ADAMTSL1: variants seen among roughly 807,000 people sequenced by gnomAD.
ADAMTSL1 encodes the protein ADAMTS like 1, also known as ADAMTS-like protein 1.
ADAMTSL1 carries 126 observed loss-of-function variants against 201.8 expected under a neutral mutation model. That is an observed-to-expected ratio of 0.62 (90% CI 0.54 to 0.72). ADAMTSL1 has a LOEUF of 0.72. Ranked by LOEUF, ADAMTSL1 falls within the 30% of genes least tolerant of loss-of-function variation. The pLI, the probability that ADAMTSL1 is intolerant of heterozygous loss-of-function variation, is 0.00. For synonymous variants in ADAMTSL1, 1,121 were observed against 903.4 expected, an observed-to-expected ratio of 1.24 and a Z score of -4.32; for missense variants, 2,679 against 2,277.8, an observed-to-expected ratio of 1.18 and a Z score of -3.59.
chr9:18,203,142 C>G (rs1467485201), intron 2 of ADAMTSL1, among the ~76,000 whole-genome samples: 1 of 152,142 alleles, frequency 6.6e-6, no homozygotes, highest in East Asian at 1.9e-4. Context: ...TGCTCATGCT[C>G]TGTTTATACA....
chr9:18,587,933 T>C (rs1823619979), intron 4 of ADAMTSL1, among the ~76,000 whole-genome samples: 3 of 152,342 alleles, frequency 2.0e-5, no homozygotes, highest in East Asian at 3.9e-4. Flanking sequence ...GGAATAAACA[T>C]GGGAATGCAG....
rs1820954496 is a variant in ADAMTSL1, at chr9:18,775,892, T to G, written c.2547T>G (p.Cys849Trp). The change falls in exon 18 of 29, where the codon TGT becomes TGG. Residue 849 changes from cysteine (C) to tryptophan (W), a missense_variant. Cys to Trp is a radical substitution (Grantham distance 215). Coordinates refer to ENST00000380548, the MANE Select transcript of ADAMTSL1 (RefSeq NM_001040272.6). The part of the protein sequence containing the change: ...SSIRPCMLAT[C>W]ARPGRPSTKH... Reference sequence around the variant, plus strand: ...TCAGGCCCTGTATGCTGGCAACCTGTGCAAGTAAGTATGTCAGGGCTCTGG... The same window carrying G: ...TCAGGCCCTGTATGCTGGCAACCTGGGCAAGTAAGTATGTCAGGGCTCTGG... 1.3e-6 allele frequency: 2 copies of G among 1,591,740 alleles called. No individual in the cohort carries two copies. Among genetic ancestry groups the G allele is most frequent in the African/African-American group, 2.7e-5 (2 of 74,422 alleles).
chr9:18,191,625 C>A (rs915513531), intron 2 of ADAMTSL1, among the ~76,000 whole-genome samples: 1 of 152,278 alleles, frequency 6.6e-6, no homozygotes, highest in African/African-American at 2.4e-5. Flanking sequence ...GACTTCTTCC[C>A]TGAATCTAAT....
chr9:18,841,661 T>G (rs1234086549), intron 23 of ADAMTSL1, among the ~76,000 whole-genome samples: 1 of 152,256 alleles, frequency 6.6e-6, no homozygotes, highest in East Asian at 1.9e-4. Flanking sequence ...TGAATCCATC[T>G]GATCCTGGAC....
chr9:18,337,481 C>T (rs1223206255), intron 2 of ADAMTSL1, among the ~76,000 whole-genome samples: 1 of 152,114 alleles, frequency 6.6e-6, no homozygotes, highest in East Asian at 1.9e-4. Flanking sequence ...TTCTAGAGAA[C>T]CCTGACAAAT....
At chr9:18,033,289 G>A (rs548751709) in intron 1 of ADAMTSL1, among the ~76,000 whole-genome samples, 1 of 152,172 alleles carries the variant, frequency 6.6e-6, no homozygotes, top group East Asian at 1.9e-4. Flanking sequence ...CATCTAATGG[G>A]TGTATTAATT....
At chr9:18,190,915 G>A (rs1009178512) in intron 2 of ADAMTSL1, among the ~76,000 whole-genome samples, 1 of 152,092 alleles carries the variant, frequency 6.6e-6, no homozygotes, top group African/African-American at 2.4e-5. Context: ...TACCCCTAGG[G>A]CACATGAACC....
intron 3 of ADAMTSL1, among the ~76,000 whole-genome samples, chr9:18,536,138 A>G (rs1176430856): frequency 1.3e-5 from 2 of 152,152 alleles, no homozygotes; most frequent in African/African-American, 4.8e-5. Flanking sequence ...AAAACACACA[A>G]AAAAAATTTT....
At chr9:18,181,841 T>C (rs1390402315) in intron 2 of ADAMTSL1, among the ~76,000 whole-genome samples, 2 of 152,150 alleles carry the variant, frequency 1.3e-5, no homozygotes, top group African/African-American at 2.4e-5. Context: ...TGCACACGTA[T>C]GTTTATTGCG....
intron 1 of ADAMTSL1, among the ~76,000 whole-genome samples, chr9:18,158,128 G>C (rs912788815): frequency 6.6e-6 from 1 of 151,968 alleles, no homozygotes; most frequent in African/African-American, 2.4e-5. Flanking sequence ...TCATTGCAGA[G>C]CTGGCCAGAG....
At chr9:18,632,452 C>T (rs571035567) in intron 5 of ADAMTSL1, among the ~76,000 whole-genome samples, 3 of 152,026 alleles carry the variant, frequency 2.0e-5, no homozygotes, top group African/African-American at 2.4e-5. Flanking sequence ...TAGGTATACA[C>T]GGGGTTAAAT....
At chr9:18,264,598 GGAGT>G (rs1272821893) in intron 2 of ADAMTSL1, among the ~76,000 whole-genome samples, 3 of 152,074 alleles carry the variant, frequency 2.0e-5, no homozygotes, top group Non-Finnish European at 4.4e-5. Flanking sequence ...GCCCCCGACA[GGAGT>G]GAGATTAGAC....
chr9:18,191,470 A>G (rs537737994), intron 2 of ADAMTSL1, among the ~76,000 whole-genome samples: 1 of 152,290 alleles, frequency 6.6e-6, no homozygotes, highest in East Asian at 1.9e-4. Context: ...CCATGGAGGC[A>G]TAAACGTCAG....
At chr9:18,016,975 C>T (rs534848808) in intron 1 of ADAMTSL1, among the ~76,000 whole-genome samples, 12 of 152,086 alleles carry the variant, frequency 7.9e-5, no homozygotes, top group East Asian at 5.8e-4. Context: ...ATGGCAGATA[C>T]CTAGCATATG....
At chr9:18,442,886 T>G (rs1021151772) in intron 2 of ADAMTSL1, among the ~76,000 whole-genome samples, 3 of 152,170 alleles carry the variant, frequency 2.0e-5, no homozygotes, top group African/African-American at 7.2e-5. Context: ...AAATAGGATT[T>G]AAACTTCTCA....
chr9:17,963,720 A>G (rs947101746), intron 1 of ADAMTSL1, among the ~76,000 whole-genome samples: 1 of 152,158 alleles, frequency 6.6e-6, no homozygotes, highest in African/African-American at 2.4e-5. Context: ...AGGACACTAA[A>G]ACTGTAATGG....
intron 1 of ADAMTSL1, among the ~76,000 whole-genome samples, chr9:18,097,717 T>G (rs1446874198): frequency 6.6e-6 from 1 of 152,214 alleles, no homozygotes; most frequent in Admixed American, 6.5e-5. Flanking sequence ...TATTTGTAGT[T>G]CATACAGCTC....
At chr9:18,791,805 A>C (rs1412782385) in intron 19 of ADAMTSL1, among the ~76,000 whole-genome samples, 1 of 152,210 alleles carries the variant, frequency 6.6e-6, no homozygotes, top group Non-Finnish European at 1.5e-5. Flanking sequence ...CTCATGATCT[A>C]CATGTCACCG....
intron 23 of ADAMTSL1, among the ~76,000 whole-genome samples, chr9:18,850,019 A>T (rs1054038655): frequency 6.6e-6 from 1 of 152,234 alleles, no homozygotes; most frequent in Non-Finnish European, 1.5e-5. Context: ...ATAAATATAA[A>T]AAGACACCAG....
Sources: allele counts gnomAD v4.1 joint callset (sites outside exome capture counted in the v4.1 genomes callset), GRCh38; gene constraint gnomAD v4.1.1; transcripts MANE v1.5; gene names NCBI Gene and HGNC (gene_info 2026-07-23, HGNC 2026-07-21).